The following KCNIP4 variants were observed in gnomAD, a reference collection of about 807,000 sequenced individuals.
KCNIP4 encodes Kv channel-interacting protein 4.
KCNIP4 carries 12 observed loss-of-function variants against 34.0 expected under a neutral mutation model. The ratio of observed to expected loss-of-function variants is 0.35; its 90% CI spans 0.23 to 0.57. The LOEUF is 0.57. Ranked by LOEUF, KCNIP4 falls within the 20% of genes least tolerant of loss-of-function variation. KCNIP4 has a pLI of 0.83. For synonymous variants in KCNIP4, 124 were observed against 102.2 expected, an observed-to-expected ratio of 1.21 and a Z score of -1.29; for missense variants, 238 against 311.7, an observed-to-expected ratio of 0.76 and a Z score of 1.78.
intron 1 of KCNIP4, among the ~76,000 whole-genome samples, chr4:21,936,698 C>T (rs1464950293): frequency 6.6e-6 from 1 of 152,074 alleles, no homozygotes; most frequent in Non-Finnish European, 1.5e-5. Context: ...GTATGTGAAT[C>T]CTAATTCTGA....
intron 1 of KCNIP4, among the ~76,000 whole-genome samples, chr4:21,513,346 A>G (rs764072340): frequency 2.0e-5 from 3 of 152,220 alleles, no homozygotes; most frequent in Non-Finnish European, 2.9e-5. Context: ...AAACTTCCTG[A>G]AAAATCCATC....
At chr4:21,014,368 G>A (rs1015695722) in intron 1 of KCNIP4, among the ~76,000 whole-genome samples, 7 of 152,094 alleles carry the variant, frequency 4.6e-5, no homozygotes, top group African/African-American at 1.7e-4. Flanking sequence ...TCATGGATGA[G>A]TCTCATCTTC....
intron 1 of KCNIP4, among the ~76,000 whole-genome samples, chr4:21,150,694 G>C (rs1752694240): frequency 6.6e-6 from 1 of 152,188 alleles, no homozygotes; most frequent in Admixed American, 6.5e-5. Context: ...ATAAGAAATT[G>C]ATGAGAACTT....
At chr4:21,838,648 T>A (rs1324254755) in intron 1 of KCNIP4, among the ~76,000 whole-genome samples, 1 of 152,198 alleles carries the variant, frequency 6.6e-6, no homozygotes, top group Non-Finnish European at 1.5e-5. Flanking sequence ...TAAAAGATAG[T>A]ACAGCCATCA....
intron 1 of KCNIP4, among the ~76,000 whole-genome samples, chr4:21,870,573 T>C (rs1363116756): frequency 6.6e-6 from 1 of 152,260 alleles, no homozygotes; most frequent in Non-Finnish European, 1.5e-5. Flanking sequence ...AGTATGAGTA[T>C]GTATGAACAG....
intron 1 of KCNIP4, among the ~76,000 whole-genome samples, chr4:20,937,474 TC>T (rs1274383002): frequency 6.6e-6 from 1 of 151,564 alleles, no homozygotes; most frequent in Non-Finnish European, 1.5e-5. Context: ...GACCTAGTGA[TC>T]CACCCGCCTC....
chr4:21,835,578 C>G (rs1291768902), intron 1 of KCNIP4, among the ~76,000 whole-genome samples: 3 of 151,204 alleles, frequency 2.0e-5, no homozygotes, highest in Non-Finnish European at 4.4e-5. Flanking sequence ...TGTTTTCTTA[C>G]GTTTTTTTTT....
intron 2 of KCNIP4, among the ~76,000 whole-genome samples, chr4:20,861,010 C>T (rs912909075): frequency 6.6e-6 from 1 of 152,060 alleles, no homozygotes; most frequent in Non-Finnish European, 1.5e-5. Flanking sequence ...CATTCCATTC[C>T]TCGGTTCCAC....
Position 21,054,100 on chromosome 4 carries a change from G to A in KCNIP4, c.62-171391C>T, listed in dbSNP as rs74392626. Among the ~76,000 whole-genome samples, 657 of 152,014 alleles carry A rather than the reference G, an allele frequency of 4.3e-3. 3 individuals carry two copies. The highest frequency in any genetic ancestry group is 0.015 in the African/African-American group (619 of 41,438). ...AATATTGACAAAATGTCAATATTAC[G>A]TAGATATTGACAAAAGTTTATATGG... On this transcript the variant is annotated intron_variant, in intron 1 of 8. Transcript: ENST00000382152.
chr4:21,716,544 T>C (rs1714397502), intron 1 of KCNIP4, among the ~76,000 whole-genome samples: 1 of 151,848 alleles, frequency 6.6e-6, no homozygotes, highest in Non-Finnish European at 1.5e-5. Flanking sequence ...GCTGGGCCGG[T>C]AGTCTTTAGT....
chr4:21,824,600 CT>C (rs1226990030), intron 1 of KCNIP4, among the ~76,000 whole-genome samples: 3 of 152,136 alleles, frequency 2.0e-5, no homozygotes, highest in Non-Finnish European at 4.4e-5. Flanking sequence ...ACTCCACACT[CT>C]CTGGCCTTGC....
Position 21,192,945 on chromosome 4 carries a change from ACTACTAC to A in KCNIP4, c.62-310243_62-310237del, listed in dbSNP as rs1282462666. Among the ~76,000 whole-genome samples the A allele has an allele frequency of 5.7e-4, 84 of 146,096 alleles. 1 individual carries two copies. Among genetic ancestry groups the A allele is most frequent in the Non-Finnish European group, 9.1e-4 (61 of 66,902 alleles). ...TACTACTACTACTACTACTACTACTACTACTACTAATAATAATAATAATTAGTTGGGT... is the reference window on the plus strand; with the variant it reads ...TACTACTACTACTACTACTACTACTATAATAATAATAATAATTAGTTGGGT... On this transcript the variant is annotated intron_variant, in intron 1 of 8. Coordinates refer to ENST00000382152, the MANE Select transcript of KCNIP4 (RefSeq NM_025221.6).
intron 2 of KCNIP4, among the ~76,000 whole-genome samples, chr4:20,878,033 G>C (rs1724255624): frequency 6.6e-6 from 1 of 151,310 alleles, no homozygotes; most frequent in South Asian, 2.1e-4. Context: ...AGACCTATAA[G>C]AGCTCCCTCA....
chr4:21,914,649 C>T (rs1318179500), intron 1 of KCNIP4, among the ~76,000 whole-genome samples: 4 of 152,162 alleles, frequency 2.6e-5, no homozygotes, highest in Non-Finnish European at 2.9e-5. Flanking sequence ...ATCTTGATTA[C>T]ACTTCATCAC....
At chr4:21,107,592 CA>C (rs1748693905) in intron 1 of KCNIP4, among the ~76,000 whole-genome samples, 1 of 148,386 alleles carries the variant, frequency 6.7e-6, no homozygotes, top group Non-Finnish European at 1.5e-5. Context: ...GCATTTAGTC[CA>C]TTTACATTTA....
intron 5 of KCNIP4, among the ~76,000 whole-genome samples, chr4:20,745,389 T>C (rs991785912): frequency 6.6e-6 from 1 of 152,208 alleles, no homozygotes; most frequent in Non-Finnish European, 1.5e-5. Flanking sequence ...TGGGATGATA[T>C]CAGTAAAGAG....
intron 1 of KCNIP4, among the ~76,000 whole-genome samples, chr4:21,174,162 C>A (rs1216855280): frequency 6.6e-6 from 1 of 152,160 alleles, no homozygotes; most frequent in African/African-American, 2.4e-5. Context: ...CATTTGAACA[C>A]CCACATTTAA....
chr4:21,603,371 G>T (rs892592581), intron 1 of KCNIP4, among the ~76,000 whole-genome samples: 2 of 152,008 alleles, frequency 1.3e-5, no homozygotes, highest in Admixed American at 1.3e-4. Flanking sequence ...AAAAGAGGAG[G>T]AAGAGGAGAA....
At position 20,938,186 on chromosome 4, in the gene KCNIP4, C is replaced by T. The variant is rs550258286; in HGVS notation, c.62-55477G>A. On this transcript the variant is annotated intron_variant, in intron 1 of 8. Coordinates refer to ENST00000382152, the MANE Select transcript of KCNIP4 (RefSeq NM_025221.6). Reference sequence around the variant, plus strand: ...AATCTTCTCTAGATTTTCTCATACACGAAATTTTGCTAGTTTTTTTTTTTT... The same window carrying T: ...AATCTTCTCTAGATTTTCTCATACATGAAATTTTGCTAGTTTTTTTTTTTT... 5.0e-3 allele frequency among the ~76,000 whole-genome samples: 712 copies of T among 141,288 alleles called. 3 individuals are homozygous for T. Among genetic ancestry groups the T allele is most frequent in the Non-Finnish European group, 8.0e-3 (526 of 65,556 alleles). The allele number at this position is 141,288 out of a possible 152,430, so 92.7% of individuals were successfully genotyped here.
Sources: allele counts gnomAD v4.1 joint callset (sites outside exome capture counted in the v4.1 genomes callset), GRCh38; gene constraint gnomAD v4.1.1; transcripts MANE v1.5; gene names NCBI Gene and HGNC (gene_info 2026-07-23, HGNC 2026-07-21).